NTM: variants seen among roughly 807,000 people sequenced by gnomAD.
The protein encoded by NTM is IgLON family member 2.
In NTM, 13 loss-of-function variants were observed where a neutral mutation model predicts 42.1. The ratio of observed to expected loss-of-function variants is 0.31; its 90% CI spans 0.20 to 0.49. NTM has a LOEUF of 0.49. Ranked by LOEUF, NTM falls within the 20% of genes least tolerant of loss-of-function variation. The pLI is 0.99. For missense variants in NTM, 373 were observed against 452.8 expected, an observed-to-expected ratio of 0.82 and a Z score of 1.60; for synonymous variants, 187 against 179.2, an observed-to-expected ratio of 1.04 and a Z score of -0.35.
At chr11:131,645,454 C>T (rs1230100431) in intron 1 of NTM, among the ~76,000 whole-genome samples, 5 of 152,142 alleles carry the variant, frequency 3.3e-5, no homozygotes, top group Non-Finnish European at 7.4e-5. Flanking sequence ...CTTTCAGTCA[C>T]GTCAGACACC....
rs115835216 is a variant in NTM, at chr11:131,524,953, G to A, written c.82+154065G>A. 4.5e-3 allele frequency among the ~76,000 whole-genome samples: 690 copies of A among 152,278 alleles called. 5 individuals are homozygous for A. Among genetic ancestry groups the A allele is most frequent in the African/African-American group, 0.015 (634 of 41,552 alleles). On this transcript the variant is annotated intron_variant, in intron 1 of 8. Coordinates refer to ENST00000683400, the MANE Select transcript of NTM (RefSeq NM_001352005.2). ...GCACTGTCATGAGGATTGAGTGAGA[G>A]CACACATGCACCTGCACACAGGAAA... is the stretch of plus-strand genomic sequence containing the variant.
intron 4 of NTM, among the ~76,000 whole-genome samples, chr11:132,216,422 T>C (rs975552527): frequency 6.6e-6 from 1 of 152,154 alleles, no homozygotes; most frequent in Admixed American, 6.5e-5. Context: ...CAGCCAGGGA[T>C]CACTGAGTGT....
At chr11:132,007,572 CAA>C (rs2071085487) in intron 2 of NTM, among the ~76,000 whole-genome samples, 1 of 152,032 alleles carries the variant, frequency 6.6e-6, no homozygotes, top group Admixed American at 6.5e-5. Flanking sequence ...TTTATTTATG[CAA>C]AGAGTGTATC....
At chr11:131,593,273 C>T (rs2059540627) in intron 1 of NTM, among the ~76,000 whole-genome samples, 1 of 152,156 alleles carries the variant, frequency 6.6e-6, no homozygotes, top group Admixed American at 6.5e-5. Flanking sequence ...GATTTTGCTT[C>T]AGGATGTCTG....
At chr11:131,667,668 C>G (rs1377485256) in intron 1 of NTM, among the ~76,000 whole-genome samples, 1 of 152,226 alleles carries the variant, frequency 6.6e-6, no homozygotes, top group African/African-American at 2.4e-5. Context: ...TCGTGCTTCT[C>G]TCAACAGGAA....
chr11:131,774,925 T>A (rs1466344908), intron 1 of NTM, among the ~76,000 whole-genome samples: 6 of 152,200 alleles, frequency 3.9e-5, no homozygotes, highest in African/African-American at 1.4e-4. Context: ...TTCCCCTTTC[T>A]CTTCCTCTCC....
chr11:131,653,535 C>T (rs1181989991), intron 1 of NTM, among the ~76,000 whole-genome samples: 2 of 152,252 alleles, frequency 1.3e-5, no homozygotes, highest in African/African-American at 4.8e-5. Context: ...GAAATGCAGC[C>T]CCCTGGCTCT....
chr11:131,431,528 G>C (rs1186799511), intron 1 of NTM, among the ~76,000 whole-genome samples: 1 of 152,184 alleles, frequency 6.6e-6, no homozygotes, highest in Non-Finnish European at 1.5e-5. Flanking sequence ...GAGTAGCCCA[G>C]GCCAGTGATC....
intron 1 of NTM, among the ~76,000 whole-genome samples, chr11:131,592,632 C>T (rs2059463409): frequency 1.4e-5 from 2 of 139,472 alleles, no homozygotes; most frequent in Admixed American, 7.8e-5. Context: ...AACACAAATA[C>T]ACACACACAC....
intron 4 of NTM, among the ~76,000 whole-genome samples, chr11:132,283,021 T>C (rs1396964005): frequency 7.0e-6 from 1 of 142,100 alleles, no homozygotes; most frequent in Non-Finnish European, 1.5e-5. Flanking sequence ...AGAGTCTCGC[T>C]CTGTCTCCAT....
At chr11:131,859,615 T>TA (rs2046418956) in intron 1 of NTM, among the ~76,000 whole-genome samples, 1 of 152,074 alleles carries the variant, frequency 6.6e-6, no homozygotes, top group Non-Finnish European at 1.5e-5. Context: ...TTCTGTGACT[T>TA]GGCTACTTTC....
At chr11:131,950,934 G>A (rs1420527612) in intron 2 of NTM, among the ~76,000 whole-genome samples, 1 of 152,146 alleles carries the variant, frequency 6.6e-6, no homozygotes, top group African/African-American at 2.4e-5. Context: ...AAGGTGGGAG[G>A]CAAGTTGAAG....
chr11:132,131,261 G>A (rs2066765612), intron 2 of NTM, among the ~76,000 whole-genome samples: 2 of 152,110 alleles, frequency 1.3e-5, no homozygotes, highest in Admixed American at 6.6e-5. Context: ...CCAGTGTTGG[G>A]GCTGAGTGTG....
At chr11:132,308,189 T>C (rs2095161747) in intron 5 of NTM, among the ~76,000 whole-genome samples, 1 of 152,208 alleles carries the variant, frequency 6.6e-6, no homozygotes, top group Non-Finnish European at 1.5e-5. Context: ...TCTCACTGTC[T>C]AGACCAGACA....
At chr11:131,809,378 C>T (rs541303675) in intron 1 of NTM, among the ~76,000 whole-genome samples, 5 of 152,322 alleles carry the variant, frequency 3.3e-5, no homozygotes, top group African/African-American at 1.2e-4. Flanking sequence ...AGAGCTGCTG[C>T]TCTGCATCTA....
chr11:132,103,063 G>A (rs2061822461), intron 2 of NTM, among the ~76,000 whole-genome samples: 1 of 152,232 alleles, frequency 6.6e-6, no homozygotes, highest in African/African-American at 2.4e-5. Flanking sequence ...AGCAACTGAT[G>A]CCAGGGCCGG....
At chr11:132,304,394 C>T (rs1052468730) in intron 4 of NTM, among the ~76,000 whole-genome samples, 5 of 149,784 alleles carry the variant, frequency 3.3e-5, no homozygotes, top group Non-Finnish European at 5.9e-5. Context: ...TCCTTCAGCA[C>T]TTTAAAGACT....
intron 1 of NTM, among the ~76,000 whole-genome samples, chr11:131,807,642 G>A (rs769825694): frequency 2.0e-5 from 3 of 152,132 alleles, no homozygotes; most frequent in African/African-American, 7.2e-5. Flanking sequence ...CTCAATAAGT[G>A]TTCATGGTGG....
At position 131,370,740 on chromosome 11, in the gene NTM, T is replaced by C; in HGVS notation, c.-67T>C. 1 of 1,336,826 alleles carries C rather than the reference T, an allele frequency of 7.5e-7. No individual in the cohort carries two copies. Among genetic ancestry groups the C allele is most frequent in the Middle Eastern group, 1.8e-4 (1 of 5,454 alleles). 82.8% of individuals were successfully genotyped at this position (1,336,826 alleles called of 1,614,324 possible). A position where few individuals can be genotyped will look rare whatever the true frequency, so the allele number is the denominator to read the frequency against. On this transcript the variant is annotated 5_prime_UTR_variant, in exon 1 of 9. Coordinates refer to ENST00000683400, the MANE Select transcript of NTM (RefSeq NM_001352005.2). ...ACAAGCTTGAGAGCAACACAATCTATCAGGAAAGAAAGAAAGAAAAAAACC... is the reference window on the plus strand; with the variant it reads ...ACAAGCTTGAGAGCAACACAATCTACCAGGAAAGAAAGAAAGAAAAAAACC...
Sources: gnomAD v4.1 joint callset for allele counts (sites outside exome capture counted in the v4.1 genomes callset) on GRCh38, gnomAD v4.1.1 for gene constraint, MANE v1.5 for transcripts, NCBI Gene and HGNC (gene_info 2026-07-23, HGNC 2026-07-21) for gene names.